TRAPPC9: variants seen among roughly 807,000 people sequenced by gnomAD.
The protein encoded by TRAPPC9 is trafficking protein particle complex subunit 9.
Under a neutral mutation model 124.0 loss-of-function variants are expected in TRAPPC9, and 83 were observed. The ratio of observed to expected loss-of-function variants is 0.67; its 90% CI spans 0.56 to 0.80. TRAPPC9 has a LOEUF of 0.80. Among genes scored for constraint, TRAPPC9 ranks in the 30% least tolerant of loss-of-function variants. TRAPPC9 has a pLI of 0.00. For synonymous variants in TRAPPC9, 638 were observed against 617.5 expected (o/e 1.03, Z -0.49); for missense variants, 1,302 against 1,508.3 (o/e 0.86, Z 2.27).
intron 19 of TRAPPC9, among the ~76,000 whole-genome samples, chr8:139,978,067 G>A (rs1401721149): frequency 6.6e-6 from 1 of 152,164 alleles, no homozygotes. Flanking sequence ...TAGTAGAGCT[G>A]GGGTTTCACC....
At chr8:139,799,396 C>T (rs184597263) in intron 21 of TRAPPC9, among the ~76,000 whole-genome samples, 29 of 152,248 alleles carry the variant, frequency 1.9e-4, no homozygotes, top group African/African-American at 6.3e-4. Flanking sequence ...CTTTTGGAGG[C>T]CATTTTTCCA....
intron 19 of TRAPPC9, among the ~76,000 whole-genome samples, chr8:139,947,841 C>T (rs10216432): frequency 7.1e-6 from 1 of 141,508 alleles, no homozygotes; most frequent in South Asian, 2.3e-4. Context: ...GAACTCCAGT[C>T]TGGGCCACAA....
chr8:139,893,486 T>C (rs1256286927), intron 20 of TRAPPC9, among the ~76,000 whole-genome samples: 1 of 152,246 alleles, frequency 6.6e-6, no homozygotes, highest in East Asian at 1.9e-4. Flanking sequence ...CAGTTGGCAC[T>C]TGCATGTCTC....
intron 15 of TRAPPC9, among the ~76,000 whole-genome samples, chr8:140,272,130 C>CGATGATGATGGTGATGGT (rs2064930084): frequency 1.7e-4 from 17 of 100,458 alleles, no homozygotes; most frequent in African/African-American, 5.5e-4. Context: ...GTGATGGTGG[C>CGATGATGATGGTGATGGT]GATGGTGATG....
chr8:140,412,616 A>AT (rs1016352605), intron 5 of TRAPPC9, among the ~76,000 whole-genome samples: 1 of 152,240 alleles, frequency 6.6e-6, no homozygotes, highest in African/African-American at 2.4e-5. Flanking sequence ...ATCGCTCAAA[A>AT]AAAACTTTGT....
At chr8:139,877,343 T>TA (rs1829385072) in intron 21 of TRAPPC9, among the ~76,000 whole-genome samples, 2 of 152,264 alleles carry the variant, frequency 1.3e-5, no homozygotes, top group South Asian at 4.1e-4. Flanking sequence ...GTCCTCAAAA[T>TA]AGACAGTCAG....
intron 19 of TRAPPC9, among the ~76,000 whole-genome samples, chr8:139,947,903 T>TATATATATATATATATATAA (rs1834346014): frequency 3.9e-5 from 1 of 25,468 alleles, no homozygotes; most frequent in Non-Finnish European, 9.7e-5. Flanking sequence ...TGTATATATA[T>TATATATATATATATATATAA]ATATAGAGAG....
intron 13 of TRAPPC9, among the ~76,000 whole-genome samples, chr8:140,285,047 G>A (rs79173328): frequency 0.032 from 4,865 of 152,158 alleles, 260 homozygotes; most frequent in African/African-American, 0.11. Flanking sequence ...TTTCTTACCT[G>A]TTGCTTAAAA....
intron 16 of TRAPPC9, 66 bp from the exon 17 acceptor site, chr8:140,221,649 T>C (rs2063341343): frequency 1.9e-5 from 29 of 1,555,860 alleles, no homozygotes; most frequent in Non-Finnish European, 2.3e-5. Context: ...TTGTTGTTGT[T>C]GTTGTTTGGG....
At chr8:140,374,827 C>T (rs1244601141) in intron 7 of TRAPPC9, among the ~76,000 whole-genome samples, 1 of 152,086 alleles carries the variant, frequency 6.6e-6, no homozygotes, top group African/African-American at 2.4e-5. Context: ...CGTTAGAACT[C>T]CCATTGATTC....
intron 18 of TRAPPC9, among the ~76,000 whole-genome samples, chr8:140,007,704 T>G (rs2131830920): frequency 6.6e-6 from 1 of 152,290 alleles, no homozygotes; most frequent in East Asian, 1.9e-4. Flanking sequence ...TGTTTATAAA[T>G]CAGGCTTTGA....
In TRAPPC9 at chr8:140,250,560, G is replaced by A. The variant is rs115740832; in HGVS notation, c.2431+2217C>T. ...GTTCACAGCCACTTCACATAAGGGC[G>A]CCGTGATTGTCTCGTGCTTCCTCAG... On this transcript the variant is annotated intron_variant, in intron 16 of 22. Coordinates refer to ENST00000438773, the MANE Select transcript of TRAPPC9 (RefSeq NM_001160372.4). 8.6e-3 allele frequency among the ~76,000 whole-genome samples: 1,310 copies of A among 152,228 alleles called. 17 individuals are homozygous for A. The highest frequency in any genetic ancestry group is 0.03 in the African/African-American group (1,227 of 41,524).
intron 20 of TRAPPC9, among the ~76,000 whole-genome samples, chr8:139,889,811 GC>G (rs1416101988): frequency 2.0e-5 from 3 of 152,194 alleles, no homozygotes; most frequent in Admixed American, 2.0e-4. Context: ...GACAAGGACA[GC>G]CCCCCTGCGG....
At chr8:139,914,277 G>A (rs1007184530) in intron 19 of TRAPPC9, among the ~76,000 whole-genome samples, 1 of 152,262 alleles carries the variant, frequency 6.6e-6, no homozygotes, top group African/African-American at 2.4e-5. Context: ...GGGTGGTGGC[G>A]CTTGGCTGAG....
At chr8:139,964,748 C>G (rs1835588329) in intron 19 of TRAPPC9, among the ~76,000 whole-genome samples, 1 of 152,106 alleles carries the variant, frequency 6.6e-6, no homozygotes, top group Admixed American at 6.5e-5. Flanking sequence ...ACACTGTATA[C>G]CTTTGAGTCC....
At chr8:140,308,053 T>A (rs1384822801) in intron 10 of TRAPPC9, among the ~76,000 whole-genome samples, 1 of 152,102 alleles carries the variant, frequency 6.6e-6, no homozygotes, top group Non-Finnish European at 1.5e-5. Context: ...ATAGAGGACA[T>A]AATCCTTGAA....
intron 17 of TRAPPC9, among the ~76,000 whole-genome samples, chr8:140,143,918 T>C (rs762684636): frequency 1.3e-5 from 2 of 152,244 alleles, no homozygotes; most frequent in Admixed American, 1.3e-4. Context: ...ACTCCAGAGA[T>C]TGTAAGATGA....
chr8:139,843,777 G>T (rs139373348), intron 21 of TRAPPC9, among the ~76,000 whole-genome samples: 126 of 152,338 alleles, frequency 8.3e-4, no homozygotes, highest in African/African-American at 2.9e-3. Flanking sequence ...CAGAAGGAAT[G>T]AGCCCCGTGA....
chr8:139,893,948 G>C (rs1244893572), intron 20 of TRAPPC9, among the ~76,000 whole-genome samples: 1 of 152,214 alleles, frequency 6.6e-6, no homozygotes, highest in Admixed American at 6.5e-5. Context: ...CAGGGGCACG[G>C]GGCAGATGCA....
Sources: gnomAD v4.1 joint callset for allele counts (sites outside exome capture counted in the v4.1 genomes callset) on GRCh38, gnomAD v4.1.1 for gene constraint, MANE v1.5 for transcripts, NCBI Gene and HGNC (gene_info 2026-07-23, HGNC 2026-07-21) for gene names.